Variants in ASMT observed in about 807,000 individuals in gnomAD.
ASMT encodes acetylserotonin N-methyltransferase.
ASMT carries 53 observed loss-of-function variants against 41.3 expected under a neutral mutation model. The ratio of observed to expected loss-of-function variants is 1.28; its 90% confidence interval spans 1.03 to 1.61. ASMT has a LOEUF of 1.61. Ranked by LOEUF, ASMT falls within the 40% of genes most tolerant of loss-of-function variation. The pLI, the probability that ASMT is intolerant of heterozygous loss-of-function variation, is 0.00. For synonymous variants in ASMT, 231 were observed against 184.8 expected (o/e 1.25, Z -2.03); for missense variants, 531 against 441.3 (o/e 1.20, Z -1.82).
In ASMT at chrX:1,629,835, G is replaced by A. The variant is rs762965870; in HGVS notation, c.458G>A (p.Arg153Gln). 8 of 1,613,866 alleles carry A rather than the reference G, an allele frequency of 5.0e-6. No individual in the cohort carries two copies. The highest frequency in any genetic ancestry group is 6.8e-6 in the Non-Finnish European group (8 of 1,179,840). ...FTAIYRSEGE[R>Q]LQFMQALQEV... is the part of the protein sequence containing the mutation. ...TTGCATGCCAGGTCCGAGGGCGAGC[G>A]GCTACAGTTCATGCAAGCTCTGCAG... is the stretch of plus-strand genomic sequence containing the variant. The change falls in exon 5 of 9, where the codon CGG (arginine) becomes CAG (glutamine). Residue 153 changes from arginine to glutamine, a missense_variant. Coordinates refer to ENST00000381241, the MANE Select transcript of ASMT (RefSeq NM_001171038.2).
chrX:1,620,493 C>T (rs1253590130), intron 1 of ASMT, among the ~76,000 whole-genome samples: 1 of 151,832 alleles, frequency 6.6e-6, no homozygotes, highest in Non-Finnish European at 1.5e-5. Flanking sequence ...AGAAAAGGAG[C>T]TAATACAAGC....
intron 8 of ASMT, among the ~76,000 whole-genome samples, chrX:1,642,462 G>C (rs1249686175): frequency 4.7e-5 from 7 of 148,644 alleles, no homozygotes; most frequent in Admixed American, 2.0e-4. Context: ...AGTGTCCTGA[G>C]AGGTCCATCG....
In ASMT at chrX:1,636,508, A is replaced by C. The variant is rs776652087; in HGVS notation, c.858A>C (p.Ala286=). 3.1e-6 allele frequency: 5 copies of C among 1,613,816 alleles called. No homozygotes were observed. The African/African-American group carries it at 6.7e-5, about 22-fold the overall frequency. ...YILARVLHDW[A]DGKCSHLLER... ...TGGCCAGGGTCCTCCATGACTGGGCAGACGGAAAGTGCTCACACCTGCTGG... is the reference window on the plus strand; with the variant it reads ...TGGCCAGGGTCCTCCATGACTGGGCCGACGGAAAGTGCTCACACCTGCTGG... Residue 286 remains alanine, a synonymous_variant, in exon 8 of 9, where the codon GCA becomes GCC. Transcript: ENST00000381241.
chrX:1,629,853 C>G lies in ASMT; in HGVS notation c.476C>G (p.Ala159Gly), dbSNP rs1211679596. 2.5e-6 allele frequency: 4 copies of G among 1,613,958 alleles called. No homozygotes were observed. Among genetic ancestry groups the G allele is most frequent in the Non-Finnish European group, 3.4e-6 (4 of 1,179,860 alleles). ...GGCGAGCGGCTACAGTTCATGCAAG[C>G]TCTGCAGGAGGTCTGGAGCGTCAAC... ...SEGERLQFMQ[A>G]LQEVWSVNGR... Residue 159 changes from alanine to glycine, a missense_variant, in exon 5 of 9, where the codon GCT becomes GGT. Coordinates refer to ENST00000381241, the MANE Select transcript of ASMT (RefSeq NM_001171038.2).
chrX:1,634,520 G>A (rs55805846), intron 7 of ASMT, among the ~76,000 whole-genome samples: 4,397 of 152,218 alleles, frequency 0.029, 210 homozygotes, highest in African/African-American at 0.1. Flanking sequence ...AACTATCCTG[G>A]GTGGCCCAGA....
At chrX:1,635,718 C>T (rs186808882) in intron 7 of ASMT, among the ~76,000 whole-genome samples, 1,840 of 151,582 alleles carry the variant, frequency 0.012, 40 homozygotes, top group African/African-American at 0.042. Flanking sequence ...AAAAATTAGC[C>T]GGGCGTGGTG....
At chrX:1,637,081 G>C (rs59294558) in intron 8 of ASMT, among the ~76,000 whole-genome samples, 2 of 102,690 alleles carry the variant, frequency 1.9e-5, no homozygotes, top group Non-Finnish European at 4.2e-5. Flanking sequence ...GCCTCTGTGT[G>C]TGAGATAAGG....
chrX:1,640,997 G>GGC (rs1404978863), intron 8 of ASMT, among the ~76,000 whole-genome samples: 1 of 7,380 alleles, frequency 1.4e-4, no homozygotes, highest in Non-Finnish European at 3.2e-4. Context: ...CCATCCTGAT[G>GGC]ATCCATGAGG....
chrX:1,619,457 T>C (rs1416192415), intron 1 of ASMT, among the ~76,000 whole-genome samples: 2 of 148,236 alleles, frequency 1.3e-5, no homozygotes, highest in Non-Finnish European at 3.0e-5. Flanking sequence ...CTAATGTAGG[T>C]GACGGGTTGA....
rs770970475 is a variant in ASMT at position 1,623,293 on chromosome X, T to C, written c.224T>C (p.Val75Ala). ...TGTGTGTCCCTGAAGCTGCTGAAAG[T>C]GGAGACGAGGGGAGGAAAAGGTGAG... is the stretch of plus-strand genomic sequence containing the variant. ...DICVSLKLLK[V>A]ETRGGKAFYR... Residue 75 changes from valine to alanine, a missense_variant, in exon 2 of 9, where the codon GTG becomes GCG. Coordinates refer to ENST00000381241, the MANE Select transcript of ASMT (RefSeq NM_001171038.2). 3.1e-6 allele frequency: 5 copies of C among 1,613,866 alleles called. No homozygotes were observed. The African/African-American group carries it at 5.3e-5, about 17-fold the overall frequency.
At chrX:1,631,084 G>GTT (rs11330880) in intron 5 of ASMT, among the ~76,000 whole-genome samples, 18,830 of 144,216 alleles carry the variant, frequency 0.13, 1,351 homozygotes, top group South Asian at 0.25. Context: ...CTAATTTTTT[G>GTT]TTTTTTTTTT....
intron 7 of ASMT, among the ~76,000 whole-genome samples, chrX:1,634,873 G>T (rs59610353): frequency 0.031 from 4,655 of 151,986 alleles, 241 homozygotes; most frequent in African/African-American, 0.11. Context: ...CACTATCTCG[G>T]CCAGGCTGGT....
intron 7 of ASMT, 86 bp from the exon 8 acceptor site, chrX:1,636,352 C>T (rs766124162): frequency 2.5e-6 from 4 of 1,598,892 alleles, no homozygotes; most frequent in South Asian, 2.2e-5. Flanking sequence ...CGTGACCCAT[C>T]CAGGTGACCT....
intron 6 of ASMT, 27 bp from the exon 7 acceptor site, chrX:1,633,123 G>A: frequency 4.3e-6 from 7 of 1,613,862 alleles, no homozygotes; most frequent in Non-Finnish European, 5.9e-6. Context: ...CATCTCTGAG[G>A]GTCAAACGGG....
At chrX:1,632,931 A>G (rs1934832158) in intron 6 of ASMT, 144 bp downstream of exon 6, 1 of 650,082 alleles carries the variant, frequency 1.5e-6, no homozygotes, top group Non-Finnish European at 2.8e-6. Context: ...CGATGGGTGC[A>G]GCAAACCACC....
At position 1,636,558 on chromosome X, in the gene ASMT, C is replaced by T. The variant is rs747433065; in HGVS notation, c.908C>T (p.Pro303Leu). ...GAGAGGATCTACCACACTTGCAAGCCAGGTAAGTTGTGGGGTTTGCATTTC... is the reference window on the plus strand; with the variant it reads ...GAGAGGATCTACCACACTTGCAAGCTAGGTAAGTTGTGGGGTTTGCATTTC... ...LLERIYHTCK[P>L]GGGILVIESL... The change falls in exon 8 of 9, where the codon CCA (proline) becomes CTA (leucine). Residue 303 changes from proline (P) to leucine (L), a missense_variant and splice_region_variant. Coordinates refer to ENST00000381241, the MANE Select transcript of ASMT (RefSeq NM_001171038.2). 6.2e-6 allele frequency: 10 copies of T among 1,609,456 alleles called. No homozygotes were observed. Among genetic ancestry groups the T allele is most frequent in the South Asian group, 2.2e-5 (2 of 90,794 alleles).
At chrX:1,636,802 G>C (rs1481255135) in intron 8 of ASMT, among the ~76,000 whole-genome samples, 1 of 152,280 alleles carries the variant, frequency 6.6e-6, no homozygotes, top group African/African-American at 2.4e-5. Context: ...CCTCACTTTG[G>C]TGAAATTCTT....
At position 1,631,108 on chromosome X, in the gene ASMT, G is replaced by C. The variant is rs193285034; in HGVS notation, c.562+1169G>C. On this transcript the variant is annotated intron_variant, in intron 5 of 8. Transcript: ENST00000381241. ...TGTTTTTTTTTTTAGTAGAGACGGG[G>C]TTTCTCCGTGTTAGCCAGGATGGTC... 1.5e-3 allele frequency among the ~76,000 whole-genome samples: 220 copies of C among 151,186 alleles called. 6 individuals are homozygous for C. In the East Asian group the frequency reaches 0.036, roughly 25 times the overall value.
intron 1 of ASMT, among the ~76,000 whole-genome samples, chrX:1,616,061 C>G (rs1378153663): frequency 2.0e-5 from 3 of 151,788 alleles, no homozygotes; most frequent in Non-Finnish European, 4.4e-5. Flanking sequence ...TGGAGTCTCA[C>G]TCTGTAACCC....
Sources: allele counts gnomAD v4.1 joint callset (sites outside exome capture counted in the v4.1 genomes callset), GRCh38; gene constraint gnomAD v4.1.1; transcripts MANE v1.5; gene names NCBI Gene and HGNC (gene_info 2026-07-23, HGNC 2026-07-21).